The following AK5 variants were observed in gnomAD, a reference collection of about 807,000 sequenced individuals.
AK5 encodes adenylate kinase isoenzyme 5.
Under a neutral mutation model 69.5 loss-of-function variants are expected in AK5, and 27 were observed. The observed-to-expected ratio is 0.39, with a 90% CI of 0.29 to 0.54. The LOEUF is 0.54. Ranked by LOEUF, AK5 falls within the 20% of genes least tolerant of loss-of-function variation. The probability of loss-of-function intolerance (pLI) is 0.71; values close to 1 mark genes in which losing one functional copy is unlikely to be tolerated. For synonymous variants in AK5, 260 were observed against 244.4 expected (o/e 1.06, Z -0.60); for missense variants, 531 against 700.4 (o/e 0.76, Z 2.73).
At chr1:77,466,011 G>A (rs373910893) in intron 8 of AK5, among the ~76,000 whole-genome samples, 12 of 152,196 alleles carry the variant, frequency 7.9e-5, no homozygotes, top group African/African-American at 2.9e-4. Flanking sequence ...CCACTTCCCA[G>A]CTTCCAGCCC....
At chr1:77,333,816 G>A (rs776086299) in intron 5 of AK5, among the ~76,000 whole-genome samples, 21 of 152,064 alleles carry the variant, frequency 1.4e-4, no homozygotes, top group Non-Finnish European at 2.5e-4. Flanking sequence ...TAGAAATTAT[G>A]GCATATTATC....
At chr1:77,293,334 A>C (rs1203469108) in intron 2 of AK5, among the ~76,000 whole-genome samples, 1 of 152,180 alleles carries the variant, frequency 6.6e-6, no homozygotes, top group African/African-American at 2.4e-5. Context: ...AGGCTGCTGC[A>C]TATGCTTGTG....
At chr1:77,340,778 T>C (rs1307836986) in intron 6 of AK5, 4 of 428,988 alleles carry the variant, frequency 9.3e-6, no homozygotes, top group Non-Finnish European at 1.6e-5. Flanking sequence ...ATTTAATTGA[T>C]TTTTATGAAA....
At chr1:77,463,504 C>G (rs1653958674) in intron 8 of AK5, among the ~76,000 whole-genome samples, 1 of 151,586 alleles carries the variant, frequency 6.6e-6, no homozygotes, top group Non-Finnish European at 1.5e-5. Flanking sequence ...TAAAAACATT[C>G]CTTCACTATG....
intron 8 of AK5, among the ~76,000 whole-genome samples, chr1:77,458,767 T>C (rs78131137): frequency 0.027 from 4,168 of 152,258 alleles, 93 homozygotes; most frequent in South Asian, 0.066. Context: ...AGCTACAAGA[T>C]GAGATTTGAG....
intron 7 of AK5, among the ~76,000 whole-genome samples, chr1:77,414,458 G>A (rs1570529728): frequency 6.6e-6 from 1 of 152,120 alleles, no homozygotes; most frequent in Admixed American, 6.6e-5. Context: ...GATCCACTAG[G>A]AGGAAAAACA....
At chr1:77,503,448 T>A (rs977045253) in intron 10 of AK5, among the ~76,000 whole-genome samples, 1 of 152,186 alleles carries the variant, frequency 6.6e-6, no homozygotes, top group African/African-American at 2.4e-5. Flanking sequence ...ATTATTCAGT[T>A]TTTTCCATGC....
At chr1:77,502,885 C>T (rs1011720729) in intron 10 of AK5, among the ~76,000 whole-genome samples, 4 of 152,182 alleles carry the variant, frequency 2.6e-5, no homozygotes, top group African/African-American at 9.7e-5. Context: ...CCAGGAATGC[C>T]ACCCCCTCTC....
intron 5 of AK5, among the ~76,000 whole-genome samples, chr1:77,307,408 A>T (rs536222057): frequency 6.6e-6 from 1 of 151,472 alleles, no homozygotes; most frequent in Non-Finnish European, 1.5e-5. Flanking sequence ...ATATATTTGT[A>T]TTTTTTCCAG....
chr1:77,547,580 C>A (rs1368956302), intron 13 of AK5, among the ~76,000 whole-genome samples: 1 of 152,082 alleles, frequency 6.6e-6, no homozygotes, highest in Admixed American at 6.6e-5. Context: ...CCATAAAATT[C>A]TTAATGAAAT....
At chr1:77,431,460 C>A (rs1651632984) in intron 8 of AK5, among the ~76,000 whole-genome samples, 1 of 151,968 alleles carries the variant, frequency 6.6e-6, no homozygotes, top group Non-Finnish European at 1.5e-5. Flanking sequence ...GGAATTTTAG[C>A]AAATATGTGG....
chr1:77,503,095 T>C (rs1297617451), intron 10 of AK5, among the ~76,000 whole-genome samples: 2 of 152,256 alleles, frequency 1.3e-5, no homozygotes, highest in Non-Finnish European at 2.9e-5. Context: ...TAGGCATTTC[T>C]GTCTGGTGTC....
chr1:77,293,933 C>A lies in AK5; in HGVS notation c.388C>A (p.Pro130Thr), dbSNP rs756248852. The A allele has an allele frequency of 1.9e-6, 3 of 1,611,894 alleles. No homozygotes were observed. Among genetic ancestry groups the A allele is most frequent in the East Asian group, 4.5e-5 (2 of 44,734 alleles). The part of the protein sequence containing the change: ...EEYEVFDPTR[P>T]RPKIILVIGG... ...GTATGAGGTTTTTGATCCTACCAGACCTCGACCAAAAATCATTCTTGTTAT... is the reference window on the plus strand; with the variant it reads ...GTATGAGGTTTTTGATCCTACCAGAACTCGACCAAAAATCATTCTTGTTAT... The change falls in exon 3 of 14, where the codon CCT becomes ACT. Residue 130 changes from proline to threonine, a missense_variant. Coordinates refer to ENST00000354567, the MANE Select transcript of AK5 (RefSeq NM_174858.3).
At chr1:77,477,903 A>G (rs1312905304) in intron 8 of AK5, among the ~76,000 whole-genome samples, 1 of 152,176 alleles carries the variant, frequency 6.6e-6, no homozygotes, top group Non-Finnish European at 1.5e-5. Context: ...ATGACCTATT[A>G]CTTCTTTCTC....
At chr1:77,516,434 A>C (rs542934170) in intron 10 of AK5, among the ~76,000 whole-genome samples, 1 of 152,146 alleles carries the variant, frequency 6.6e-6, no homozygotes, top group Non-Finnish European at 1.5e-5. Flanking sequence ...ACCAGAAAAA[A>C]AAAAGATTAT....
intron 5 of AK5, 139 bp downstream of exon 5, chr1:77,298,086 G>T: frequency 6.1e-6 from 3 of 487,858 alleles, no homozygotes; most frequent in Non-Finnish European, 1.0e-5. Flanking sequence ...ATCAGTATGG[G>T]TTGGCAGAAG....
chr1:77,348,352 C>T (rs1301660623), intron 6 of AK5, among the ~76,000 whole-genome samples: 1 of 152,110 alleles, frequency 6.6e-6, no homozygotes, highest in Non-Finnish European at 1.5e-5. Context: ...TTTGTCCTTG[C>T]GATAGTTTGC....
chr1:77,513,387 A>AAG (rs1332031430), intron 10 of AK5, among the ~76,000 whole-genome samples: 1 of 152,176 alleles, frequency 6.6e-6, no homozygotes, highest in Non-Finnish European at 1.5e-5. Context: ...TCTGATGGAA[A>AAG]AGACCCAGTT....
intron 6 of AK5, among the ~76,000 whole-genome samples, chr1:77,367,886 T>TATGTTATATATATTATATATCAC (rs1647024281): frequency 7.3e-5 from 1 of 13,624 alleles, no homozygotes; most frequent in Non-Finnish European, 1.3e-4. Context: ...TAATATAAAA[T>TATGTTATATATATTATATATCAC]ATATGTGATA....
Sources: allele counts gnomAD v4.1 joint callset (sites outside exome capture counted in the v4.1 genomes callset), GRCh38; gene constraint gnomAD v4.1.1; transcripts MANE v1.5; gene names NCBI Gene and HGNC (gene_info 2026-07-23, HGNC 2026-07-21).